The following CYTH1 variants were observed in gnomAD, a reference collection of about 807,000 sequenced individuals.
The protein encoded by CYTH1 is cytohesin-1.
A neutral mutation model predicts 61.8 loss-of-function variants in CYTH1; 18 were observed. The observed-to-expected ratio is 0.29, with a 90% CI of 0.20 to 0.43. CYTH1 has a LOEUF of 0.43. CYTH1 is among the 20% of genes least tolerant of loss of function. The pLI is 1.00. For synonymous variants in CYTH1, 174 were observed against 184.3 expected, an observed-to-expected ratio of 0.94 and a Z score of 0.45; for missense variants, 336 against 510.5, an observed-to-expected ratio of 0.66 and a Z score of 3.29.
chr17:78,753,606 C>CT (rs1216523042), intron 1 of CYTH1, among the ~76,000 whole-genome samples: 1 of 152,168 alleles, frequency 6.6e-6, no homozygotes, highest in Admixed American at 6.5e-5. Flanking sequence ...CTTAGGGAAT[C>CT]TAACAGTAGA....
At chr17:78,705,987 C>T (rs1454091813) in intron 3 of CYTH1, among the ~76,000 whole-genome samples, 3 of 152,078 alleles carry the variant, frequency 2.0e-5, no homozygotes, top group Non-Finnish European at 2.9e-5. Flanking sequence ...AGAAAGGAAA[C>T]GTACCAAAAT....
At chr17:78,713,594 C>T (rs1284105443) in intron 1 of CYTH1, among the ~76,000 whole-genome samples, 1 of 151,216 alleles carries the variant, frequency 6.6e-6, no homozygotes, top group East Asian at 1.9e-4. Context: ...TTGTATCATT[C>T]TAAACTGGAA....
intron 1 of CYTH1, among the ~76,000 whole-genome samples, chr17:78,746,240 G>T (rs1339547945): frequency 1.3e-5 from 2 of 152,142 alleles, no homozygotes; most frequent in African/African-American, 4.8e-5. Context: ...AAGACGGTCA[G>T]AACAGGCATC....
chr17:78,700,252 T>G lies in CYTH1; in HGVS notation c.550+79A>C. The G allele has an allele frequency of 7.8e-7, 1 of 1,283,726 alleles. No homozygotes were observed. The allele number at this position is 1,283,726 out of a possible 1,614,324, so 79.5% of individuals were successfully genotyped here. On this transcript the variant is annotated intron_variant, in intron 7 of 13. Coordinates refer to ENST00000446868, the MANE Select transcript of CYTH1 (RefSeq NM_004762.6). This position sits in a 1 kb window ranked among gnomAD's most constrained non-coding sequence, Gnocchi z 5.1. ...CTAGGCATGAATCTCAGCCCTTTTG[T>G]TTTAGAAATTATCTGGTGCCAAGAA...
At chr17:78,772,362 G>C (rs1282653406) in intron 1 of CYTH1, among the ~76,000 whole-genome samples, 2 of 152,142 alleles carry the variant, frequency 1.3e-5, no homozygotes, top group Non-Finnish European at 2.9e-5. Context: ...CTTGAAATAA[G>C]AAGGCAATCT....
At chr17:78,684,133 C>T (rs2092791908) in intron 11 of CYTH1, among the ~76,000 whole-genome samples, 1 of 152,176 alleles carries the variant, frequency 6.6e-6, no homozygotes, top group South Asian at 2.1e-4. Flanking sequence ...CGGGAGAACC[C>T]ACTGGGGATT....
intron 1 of CYTH1, among the ~76,000 whole-genome samples, chr17:78,716,632 G>A (rs1415266583): frequency 1.3e-5 from 2 of 152,148 alleles, no homozygotes; most frequent in African/African-American, 2.4e-5. Flanking sequence ...CATTTTTCTA[G>A]TGGAATTTTA....
chr17:78,732,757 C>T (rs1482272281), intron 1 of CYTH1, among the ~76,000 whole-genome samples: 2 of 152,088 alleles, frequency 1.3e-5, no homozygotes, highest in Non-Finnish European at 2.9e-5. Context: ...GCAACTTGTC[C>T]AACTAGAGAC....
At chr17:78,695,358 G>A (rs892720399) in intron 10 of CYTH1, among the ~76,000 whole-genome samples, 4 of 152,138 alleles carry the variant, frequency 2.6e-5, no homozygotes, top group African/African-American at 9.7e-5. Context: ...AGGACTTCAG[G>A]GAGGGTTTTT....
chr17:78,677,715 G>C (rs974295791), intron 13 of CYTH1: 2 of 152,326 alleles, frequency 1.3e-5, no homozygotes, highest in Non-Finnish European at 2.9e-5. Context: ...AAAGCACTTC[G>C]TGAGAGGAAA....
chr17:78,739,892 C>T (rs1174833758), intron 1 of CYTH1, among the ~76,000 whole-genome samples: 1 of 152,068 alleles, frequency 6.6e-6, no homozygotes, highest in Non-Finnish European at 1.5e-5. Flanking sequence ...TCAAGGGTGA[C>T]TCCGAGCTTT....
chr17:78,758,872 T>G (rs1331812644), intron 1 of CYTH1, among the ~76,000 whole-genome samples: 1 of 152,182 alleles, frequency 6.6e-6, no homozygotes, highest in African/African-American at 2.4e-5. Context: ...AGCACTTTCA[T>G]GCTGATATTC....
intron 13 of CYTH1, chr17:78,678,611 C>T (rs1016688655): frequency 2.6e-5 from 4 of 152,144 alleles, no homozygotes; most frequent in Non-Finnish European, 4.4e-5. Context: ...CGGTCCCCCA[C>T]AACACTGCTG....
chr17:78,686,210 G>A (rs755956907), intron 11 of CYTH1, among the ~76,000 whole-genome samples: 4 of 152,038 alleles, frequency 2.6e-5, no homozygotes, highest in African/African-American at 4.8e-5. Context: ...TGGCTCAAGC[G>A]TTTAAGACAT....
chr17:78,737,349 A>G (rs756319598), intron 1 of CYTH1, among the ~76,000 whole-genome samples: 2 of 152,230 alleles, frequency 1.3e-5, no homozygotes, highest in Non-Finnish European at 2.9e-5. Context: ...ATGAAAAGAA[A>G]AAAGTCTGTA....
chr17:78,782,104 C>G (rs1323353972), intron 1 of CYTH1, 98 bp downstream of exon 1: 2 of 1,102,520 alleles, frequency 1.8e-6, no homozygotes, highest in Non-Finnish European at 2.3e-6. Context: ...CCAGTGTCCC[C>G]GGGAAACGCC....
At chr17:78,731,728 A>G (rs2093295341) in intron 1 of CYTH1, among the ~76,000 whole-genome samples, 1 of 147,338 alleles carries the variant, frequency 6.8e-6, no homozygotes, top group Non-Finnish European at 1.5e-5. Flanking sequence ...ACTGCACTCC[A>G]GCCTGGGCGA....
intron 13 of CYTH1, chr17:78,678,118 G>A (rs971305287): frequency 6.6e-6 from 1 of 152,346 alleles, no homozygotes; most frequent in African/African-American, 2.4e-5. Context: ...GGACAGAGCA[G>A]AGGAGTCCAG....
rs2092678786 is a variant in CYTH1 at position 78,674,702 on chromosome 17, T to G, written c.*1389A>C. 1 of 152,414 alleles carries G rather than the reference T, an allele frequency of 6.6e-6. No individual in the cohort carries two copies. The highest frequency in any genetic ancestry group is 2.4e-5 in the African/African-American group (1 of 41,478). The allele number at this position is 152,414 out of a possible 1,614,324, so 9.4% of individuals were successfully genotyped here. ...CCTGCACCGCCCTGGTCCAGGGTCCTGTGGAGGGGCGGGGCGAGACGGCCA... is the reference window on the plus strand; with the variant it reads ...CCTGCACCGCCCTGGTCCAGGGTCCGGTGGAGGGGCGGGGCGAGACGGCCA... On this transcript the variant is annotated 3_prime_UTR_variant, in exon 14 of 14. Coordinates refer to ENST00000446868, the MANE Select transcript of CYTH1 (RefSeq NM_004762.6).
Sources: allele counts gnomAD v4.1 joint callset (sites outside exome capture counted in the v4.1 genomes callset), GRCh38; gene constraint gnomAD v4.1.1; non-coding constraint Gnocchi (gnomAD v3.1); transcripts MANE v1.5; gene names NCBI Gene and HGNC (gene_info 2026-07-23, HGNC 2026-07-21).